UMAD1: variants seen among roughly 807,000 people sequenced by gnomAD.
The protein encoded by UMAD1 is UBAP1-MVB12-associated (UMA) domain containing 1.
Under a neutral mutation model 6.1 loss-of-function variants are expected in UMAD1, and 8 were observed. The ratio of observed to expected loss-of-function variants is 1.30; its 90% CI spans 0.76 to 2.35. The LOEUF (loss-of-function observed/expected upper bound fraction) is 2.35. Among genes scored for constraint, UMAD1 ranks in the 30% most tolerant of loss-of-function variants. UMAD1 has a pLI of 0.00. For synonymous variants in UMAD1, 56 were observed against 31.4 expected (o/e 1.78, Z -2.61); for missense variants, 130 against 78.4 (o/e 1.66, Z -2.49).
At chr7:7,700,781 G>C (rs188580947) in intron 2 of UMAD1, among the ~76,000 whole-genome samples, 15 of 152,062 alleles carry the variant, frequency 9.9e-5, no homozygotes, top group African/African-American at 3.4e-4. Flanking sequence ...AAAGCTACTC[G>C]GGAGGCTGAG....
At chr7:7,807,874 AAATT>A (rs1280396480) in intron 3 of UMAD1, among the ~76,000 whole-genome samples, 2 of 152,064 alleles carry the variant, frequency 1.3e-5, no homozygotes, top group Non-Finnish European at 2.9e-5. Context: ...TCTCAATAAT[AAATT>A]AATTAATACT....
intron 3 of UMAD1, among the ~76,000 whole-genome samples, chr7:7,819,497 C>G (rs1252564395): frequency 1.3e-5 from 2 of 152,106 alleles, no homozygotes; most frequent in African/African-American, 4.8e-5. Flanking sequence ...CTGCAGAAAT[C>G]ACACATACAC....
chr7:7,729,724 C>G (rs1374532456), intron 2 of UMAD1, among the ~76,000 whole-genome samples: 4 of 152,202 alleles, frequency 2.6e-5, no homozygotes, highest in African/African-American at 9.6e-5. Context: ...TCTCCAAAGA[C>G]TTTGTCAGTG....
At chr7:7,751,075 G>A (rs1175491205) in intron 2 of UMAD1, among the ~76,000 whole-genome samples, 1 of 152,158 alleles carries the variant, frequency 6.6e-6, no homozygotes, top group African/African-American at 2.4e-5. Context: ...TTGATATTAT[G>A]CAGGCTTCTC....
intron 2 of UMAD1, among the ~76,000 whole-genome samples, chr7:7,782,533 AT>A (rs200856113): frequency 3.3e-5 from 5 of 151,744 alleles, no homozygotes; most frequent in African/African-American, 7.3e-5. Flanking sequence ...AATTTTTAAA[AT>A]TTTTTTTATT....
chr7:7,724,881 C>T (rs1781112150), intron 2 of UMAD1, among the ~76,000 whole-genome samples: 1 of 152,190 alleles, frequency 6.6e-6, no homozygotes, highest in South Asian at 2.1e-4. Context: ...AACTCTCTGG[C>T]TTTGTGTCAT....
chr7:7,728,646 GAA>G (rs71014706), intron 2 of UMAD1, among the ~76,000 whole-genome samples: 6 of 108,966 alleles, frequency 5.5e-5, no homozygotes, highest in Non-Finnish European at 1.1e-4. Flanking sequence ...TCCATCTTAA[GAA>G]AAAAAAAAAA....
intron 2 of UMAD1, among the ~76,000 whole-genome samples, chr7:7,800,114 C>T (rs1782769218): frequency 6.6e-6 from 1 of 152,222 alleles, no homozygotes; most frequent in African/African-American, 2.4e-5. Flanking sequence ...ATCTCCTGAC[C>T]TCAAGTGATC....
intron 2 of UMAD1, among the ~76,000 whole-genome samples, chr7:7,695,366 A>T (rs894562604): frequency 1.3e-5 from 2 of 152,250 alleles, no homozygotes; most frequent in Non-Finnish European, 2.9e-5. Flanking sequence ...ATGTTATATT[A>T]GATAAGAAAG....
intron 2 of UMAD1, among the ~76,000 whole-genome samples, chr7:7,704,766 CAAAAAAAAAAAAA>C (rs71011001): frequency 5.6e-5 from 1 of 17,854 alleles, no homozygotes; most frequent in East Asian, 2.8e-3. Context: ...GACTCCATCT[CAAAAAAAAAAAAA>C]AAAAAAAAAA....
At chr7:7,659,159 A>G (rs1213219071) in intron 1 of UMAD1, among the ~76,000 whole-genome samples, 1 of 152,014 alleles carries the variant, frequency 6.6e-6, no homozygotes, top group Non-Finnish European at 1.5e-5. Context: ...TATCCCCTTT[A>G]TCATTTTTTA....
chr7:7,823,347 T>C (rs181486653), intron 3 of UMAD1, among the ~76,000 whole-genome samples: 2 of 152,278 alleles, frequency 1.3e-5, no homozygotes, highest in East Asian at 3.9e-4. Context: ...AGATAAACAA[T>C]AAATAATTTT....
rs1285189622 is a variant in UMAD1, at chr7:7,640,825, C to G, written c.-64+4C>G. ...GGGACTGCGGGGCCAGCCTCAGGTA[C>G]CTCGTCTCGCGGGAGGCGCCGCAAC... is the stretch of plus-strand genomic sequence containing the variant. On this transcript the variant is annotated splice_donor_region_variant and intron_variant, in intron 1 of 3. Coordinates refer to ENST00000682710, the MANE Select transcript of UMAD1 (RefSeq NM_001302348.2). The G allele has an allele frequency of 5.1e-6, 1 of 196,584 alleles. No homozygotes were observed. The highest frequency in any genetic ancestry group is 2.4e-5 in the African/African-American group (1 of 42,342). The allele number at this position is 196,584 out of a possible 1,614,324, so 12.2% of individuals were successfully genotyped here.
chr7:7,841,724 C>A (rs931515484), intron 3 of UMAD1, among the ~76,000 whole-genome samples: 1 of 152,126 alleles, frequency 6.6e-6, no homozygotes, highest in African/African-American at 2.4e-5. Flanking sequence ...AGAAAGAATT[C>A]GAAAATATCC....
chr7:7,858,459 T>C (rs1198721167), intron 3 of UMAD1, among the ~76,000 whole-genome samples: 1 of 152,188 alleles, frequency 6.6e-6, no homozygotes, highest in African/African-American at 2.4e-5. Flanking sequence ...AAAAACACTT[T>C]GGGAAATTAT....
chr7:7,674,836 C>A (rs1237111230), intron 2 of UMAD1, among the ~76,000 whole-genome samples: 1 of 152,082 alleles, frequency 6.6e-6, no homozygotes, highest in African/African-American at 2.4e-5. Context: ...GTACATCAGG[C>A]CTCCTGTGAA....
intron 2 of UMAD1, among the ~76,000 whole-genome samples, chr7:7,719,460 T>G (rs542385276): frequency 2.6e-4 from 39 of 152,350 alleles, no homozygotes; most frequent in Middle Eastern, 3.4e-3. Context: ...TTCAGCCTCA[T>G]GAGCACATGT....
At chr7:7,844,663 G>C (rs1395942706) in intron 3 of UMAD1, among the ~76,000 whole-genome samples, 1 of 152,082 alleles carries the variant, frequency 6.6e-6, no homozygotes, top group Non-Finnish European at 1.5e-5. Context: ...TAGACTGTAA[G>C]AAATAAAGTT....
At chr7:7,650,492 T>C (rs1785200320) in intron 1 of UMAD1, among the ~76,000 whole-genome samples, 1 of 152,226 alleles carries the variant, frequency 6.6e-6, no homozygotes, top group Admixed American at 6.5e-5. Context: ...TGCTGTAGGC[T>C]TACATGTCTC....
Sources: allele counts gnomAD v4.1 joint callset (sites outside exome capture counted in the v4.1 genomes callset), GRCh38; gene constraint gnomAD v4.1.1; transcripts MANE v1.5; gene names NCBI Gene and HGNC (gene_info 2026-07-23, HGNC 2026-07-21).